PCDH15: variants seen among roughly 807,000 people sequenced by gnomAD.
The protein encoded by PCDH15 is protocadherin related 15.
A neutral mutation model predicts 178.5 loss-of-function variants in PCDH15; 129 were observed. The ratio of observed to expected loss-of-function variants is 0.72; its 90% CI spans 0.63 to 0.84. The LOEUF (loss-of-function observed/expected upper bound fraction) is 0.84. PCDH15 is among the 40% of genes least tolerant of loss of function. The pLI, the probability that PCDH15 is intolerant of heterozygous loss-of-function variation, is 0.00. For missense variants in PCDH15, 2,230 were observed against 2,099.9 expected, an observed-to-expected ratio of 1.06 and a Z score of -1.21; for synonymous variants, 800 against 732.0, an observed-to-expected ratio of 1.09 and a Z score of -1.50.
intron 2 of PCDH15, among the ~76,000 whole-genome samples, chr10:55,504,362 A>G (rs1298638237): frequency 6.6e-6 from 1 of 151,474 alleles, no homozygotes; most frequent in African/African-American, 2.4e-5. Flanking sequence ...AATATGTTGG[A>G]TATATTTCAT....
intron 1 of PCDH15, among the ~76,000 whole-genome samples, chr10:55,291,536 A>G (rs1287250404): frequency 1.3e-5 from 2 of 152,234 alleles, no homozygotes; most frequent in Admixed American, 6.5e-5. Context: ...AATTTTGCCA[A>G]AAGATTAAAT....
chr10:54,346,340 A>G, intron 6 of PCDH15, 25 bp downstream of exon 6: 1 of 1,607,264 alleles, frequency 6.2e-7, no homozygotes, highest in African/African-American at 1.3e-5. Context: ...TAAGAAAATT[A>G]CATTGCAAAT....
Position 54,431,238 on chromosome 10 carries a change from T to A in PCDH15, c.158-52296A>T, listed in dbSNP as rs532984437. 1.0e-3 allele frequency among the ~76,000 whole-genome samples: 155 copies of A among 152,200 alleles called. 6 individuals carry two copies. The South Asian group carries it at 0.031, about 31-fold the overall frequency. Reference sequence around the variant, plus strand: ...TTCTGAAAAATAAAACAAGACAGAATACTTCAAAACTCATTCTATGAGGCC... The same window carrying A: ...TTCTGAAAAATAAAACAAGACAGAAAACTTCAAAACTCATTCTATGAGGCC... On this transcript the variant is annotated intron_variant, in intron 3 of 37. Transcript: ENST00000644397.
At chr10:53,938,310 C>A (rs2134048131) in intron 25 of PCDH15, among the ~76,000 whole-genome samples, 1 of 152,030 alleles carries the variant, frequency 6.6e-6, no homozygotes, top group East Asian at 1.9e-4. Context: ...TAGTAATTCT[C>A]ATTTCATAGA....
chr10:55,255,464 A>T (rs567325197), intron 1 of PCDH15, among the ~76,000 whole-genome samples: 23 of 152,152 alleles, frequency 1.5e-4, no homozygotes, highest in Middle Eastern at 3.2e-3. Context: ...TTGGGTATAT[A>T]CCCCGTAATG....
At chr10:55,280,530 CCA>C (rs1842705667) in intron 1 of PCDH15, among the ~76,000 whole-genome samples, 1 of 149,102 alleles carries the variant, frequency 6.7e-6, no homozygotes, top group African/African-American at 2.5e-5. Context: ...CTCAGGTGAT[CCA>C]CCCCCCTCGG....
intron 2 of PCDH15, among the ~76,000 whole-genome samples, chr10:55,038,277 T>A (rs903955101): frequency 2.6e-5 from 4 of 152,200 alleles, no homozygotes; most frequent in African/African-American, 9.6e-5. Context: ...TAAGAAAACT[T>A]TTATTTTCTC....
chr10:55,200,573 ATGAATG>A (rs1288371245), intron 1 of PCDH15, among the ~76,000 whole-genome samples: 1 of 152,128 alleles, frequency 6.6e-6, no homozygotes, highest in Non-Finnish European at 1.5e-5. Context: ...TTGGGAAGGC[ATGAATG>A]TGTTTTGAAA....
chr10:53,856,164 T>C (rs776790924), intron 28 of PCDH15, among the ~76,000 whole-genome samples: 31 of 151,288 alleles, frequency 2.0e-4, no homozygotes, highest in South Asian at 4.2e-4. Context: ...AGACTGTACG[T>C]TGGGTACAGT....
intron 1 of PCDH15, among the ~76,000 whole-genome samples, chr10:55,288,153 A>T (rs1174629176): frequency 6.6e-6 from 1 of 150,994 alleles, no homozygotes; most frequent in Non-Finnish European, 1.5e-5. Flanking sequence ...TACTGACATC[A>T]ATTTTTCTGC....
intron 2 of PCDH15, chr10:54,600,339 C>A: frequency 1.9e-6 from 1 of 538,112 alleles, no homozygotes; most frequent in South Asian, 1.5e-5. Context: ...ACATAGCTGT[C>A]AATGGAGAGG....
chr10:54,756,052 T>TAA (rs780419520), intron 1 of PCDH15, among the ~76,000 whole-genome samples: 8 of 25,424 alleles, frequency 3.1e-4, no homozygotes, highest in Admixed American at 1.8e-3. Context: ...CCGTCTCTAC[T>TAA]AAAAACACAC....
chr10:54,189,918 CATGTGTATGT>C (rs1483983092), intron 11 of PCDH15, among the ~76,000 whole-genome samples: 50 of 82,024 alleles, frequency 6.1e-4, no homozygotes, highest in African/African-American at 2.7e-3. Context: ...TGTATACATG[CATGTGTATGT>C]GTGTGTGTGT....
At chr10:54,648,516 A>T (rs1340564743) in intron 2 of PCDH15, among the ~76,000 whole-genome samples, 1 of 152,160 alleles carries the variant, frequency 6.6e-6, no homozygotes, top group Non-Finnish European at 1.5e-5. Flanking sequence ...GTAGCCCCTT[A>T]AAAATAAAGC....
intron 3 of PCDH15, among the ~76,000 whole-genome samples, chr10:54,857,768 T>G (rs987428823): frequency 6.6e-6 from 1 of 152,086 alleles, no homozygotes; most frequent in Non-Finnish European, 1.5e-5. Context: ...CTTTTAAAGT[T>G]GAATTTCAAC....
chr10:55,354,374 A>G (rs2131970899), intron 2 of PCDH15, among the ~76,000 whole-genome samples: 1 of 152,224 alleles, frequency 6.6e-6, no homozygotes, highest in South Asian at 2.1e-4. Context: ...AATAGGGCAC[A>G]ATCGGACTTA....
intron 2 of PCDH15, among the ~76,000 whole-genome samples, chr10:54,583,418 A>T (rs148008087): frequency 1.1e-3 from 172 of 152,000 alleles, no homozygotes; most frequent in African/African-American, 4.0e-3. Flanking sequence ...CTTTTCATGG[A>T]GAGGACAAAA....
intron 3 of PCDH15, among the ~76,000 whole-genome samples, chr10:54,383,629 TTGTGTG>T (rs71461236): frequency 7.7e-5 from 9 of 117,534 alleles, no homozygotes; most frequent in African/African-American, 3.0e-4. Context: ...ATGTGTGTTT[TTGTGTG>T]TGTGTGTGTG....
chr10:54,790,740 T>C (rs1951330900), intron 1 of PCDH15, among the ~76,000 whole-genome samples: 1 of 151,818 alleles, frequency 6.6e-6, no homozygotes. Flanking sequence ...ACTCATCTAA[T>C]AATTTAATGT....
Sources: gnomAD v4.1 joint callset for allele counts (sites outside exome capture counted in the v4.1 genomes callset) on GRCh38, gnomAD v4.1.1 for gene constraint, MANE v1.5 for transcripts, NCBI Gene and HGNC (gene_info 2026-07-23, HGNC 2026-07-21) for gene names.